PPM1L: variants seen among roughly 807,000 people sequenced by gnomAD.
PPM1L encodes the protein protein phosphatase, Mg2+/Mn2+ dependent 1L, also known as protein phosphatase 1L.
PPM1L carries 13 observed loss-of-function variants against 31.4 expected under a neutral mutation model. That is an observed-to-expected ratio of 0.41 (90% confidence interval 0.27 to 0.66). The LOEUF (loss-of-function observed/expected upper bound fraction) is 0.66, where lower values mean the gene tolerates loss of function less well. Ranked by LOEUF, PPM1L falls within the 30% of genes least tolerant of loss-of-function variation. The pLI is 0.29. For missense variants in PPM1L, 326 were observed against 453.7 expected, an observed-to-expected ratio of 0.72 and a Z score of 2.56; for synonymous variants, 184 against 175.4, an observed-to-expected ratio of 1.05 and a Z score of -0.39.
intron 1 of PPM1L, among the ~76,000 whole-genome samples, chr3:160,798,869 C>T (rs962459469): frequency 6.6e-6 from 1 of 152,154 alleles, no homozygotes; most frequent in Non-Finnish European, 1.5e-5. Context: ...AAAGGATTCA[C>T]CATTCTAAAT....
chr3:160,935,775 C>T (rs141718584), intron 1 of PPM1L, among the ~76,000 whole-genome samples: 105 of 152,274 alleles, frequency 6.9e-4, no homozygotes, highest in African/African-American at 2.3e-3. Flanking sequence ...GTCATTAAGC[C>T]GTTGTACTAA....
At chr3:160,928,302 C>T (rs764859702) in intron 1 of PPM1L, among the ~76,000 whole-genome samples, 2 of 152,170 alleles carry the variant, frequency 1.3e-5, no homozygotes, top group Non-Finnish European at 2.9e-5. Flanking sequence ...TCACTTCTAG[C>T]AACAGACTGC....
intron 1 of PPM1L, among the ~76,000 whole-genome samples, chr3:160,886,696 C>T (rs1439271048): frequency 3.3e-5 from 5 of 152,084 alleles, no homozygotes; most frequent in Non-Finnish European, 7.4e-5. Context: ...CCACAAAAAC[C>T]CCATTCAAGG....
chr3:160,774,911 G>A (rs78063940), intron 1 of PPM1L, among the ~76,000 whole-genome samples: 2,536 of 152,196 alleles, frequency 0.017, 68 homozygotes, highest in African/African-American at 0.058. Flanking sequence ...CATCTCTATT[G>A]TGTTCCAGTG....
chr3:160,802,293 C>T (rs1390031047), intron 1 of PPM1L, among the ~76,000 whole-genome samples: 1 of 152,074 alleles, frequency 6.6e-6, no homozygotes, highest in Non-Finnish European at 1.5e-5. Context: ...GTGACAGTAC[C>T]TGGTCATGTA....
chr3:160,864,223 C>G (rs754031058), intron 1 of PPM1L, among the ~76,000 whole-genome samples: 3 of 152,152 alleles, frequency 2.0e-5, no homozygotes, highest in Non-Finnish European at 4.4e-5. Context: ...CACTCTGTCA[C>G]CCAGGTTGGA....
chr3:160,919,270 C>T (rs1309513421), intron 1 of PPM1L, among the ~76,000 whole-genome samples: 1 of 152,170 alleles, frequency 6.6e-6, no homozygotes, highest in Admixed American at 6.5e-5. Flanking sequence ...CTGCCTTTTC[C>T]TCTCCATCTG....
chr3:161,075,134 A>G lies in PPM1L; in HGVS notation c.*5977A>G, dbSNP rs112484216. The G allele has an allele frequency of 6.6e-6, 1 of 152,328 alleles. No homozygotes were observed. The highest frequency in any genetic ancestry group is 2.4e-5 in the African/African-American group (1 of 41,576). 9.4% of individuals were successfully genotyped at this position (152,328 alleles called of 1,614,324 possible). ...CAGGAGAGGGATTGTATCAGCTCTC[A>G]TTACCTTTTGTCATGAGGCAGTTCA... On this transcript the variant is annotated 3_prime_UTR_variant, in exon 4 of 4. Coordinates refer to ENST00000498165, the MANE Select transcript of PPM1L (RefSeq NM_139245.4).
intron 1 of PPM1L, among the ~76,000 whole-genome samples, chr3:160,857,488 A>C (rs1711752922): frequency 6.6e-6 from 1 of 152,172 alleles, no homozygotes; most frequent in African/African-American, 2.4e-5. Flanking sequence ...ATGTAATGCA[A>C]AAACAGTCCT....
intron 1 of PPM1L, among the ~76,000 whole-genome samples, chr3:160,922,568 G>A (rs553391169): frequency 6.6e-6 from 1 of 152,174 alleles, no homozygotes; most frequent in South Asian, 2.1e-4. Flanking sequence ...CTAAGTCTAA[G>A]GTCTTTTGAA....
At chr3:161,064,293 G>A (rs747786236) in intron 2 of PPM1L, among the ~76,000 whole-genome samples, 23 of 150,948 alleles carry the variant, frequency 1.5e-4, no homozygotes, top group Non-Finnish European at 1.5e-5. Context: ...CTTGAGCCGA[G>A]GAATTTGAGG....
intron 1 of PPM1L, among the ~76,000 whole-genome samples, chr3:160,845,634 A>C (rs2108108631): frequency 6.6e-6 from 1 of 152,156 alleles, no homozygotes. Flanking sequence ...GTTTTTGCTG[A>C]TACATTTAAG....
At chr3:160,816,999 G>A (rs1259994197) in intron 1 of PPM1L, among the ~76,000 whole-genome samples, 1 of 151,994 alleles carries the variant, frequency 6.6e-6, no homozygotes, top group Admixed American at 6.6e-5. Flanking sequence ...GGTAACATTG[G>A]CATAAAGAAG....
intron 1 of PPM1L, among the ~76,000 whole-genome samples, chr3:160,872,348 T>G (rs1191729114): frequency 1.3e-5 from 2 of 152,170 alleles, no homozygotes; most frequent in African/African-American, 4.8e-5. Context: ...TTTTGCTACT[T>G]TTTTCTCCCT....
At chr3:160,848,617 C>T (rs1714156451) in intron 1 of PPM1L, among the ~76,000 whole-genome samples, 1 of 152,202 alleles carries the variant, frequency 6.6e-6, no homozygotes. Context: ...GCATCTCCCT[C>T]TGTAGTCTCC....
chr3:160,774,602 T>A (rs1711516877), intron 1 of PPM1L, among the ~76,000 whole-genome samples: 1 of 152,250 alleles, frequency 6.6e-6, no homozygotes, highest in Non-Finnish European at 1.5e-5. Context: ...TTACCTTCTG[T>A]TGTTTGCCTA....
intron 1 of PPM1L, among the ~76,000 whole-genome samples, chr3:160,959,944 G>A (rs9857743): frequency 0.47 from 70,990 of 151,900 alleles, 17,868 homozygotes; most frequent in East Asian, 0.73. Context: ...TATATGTGTT[G>A]CTTAATTATG....
chr3:160,876,382 G>C (rs1193893970), intron 1 of PPM1L, among the ~76,000 whole-genome samples: 3 of 152,186 alleles, frequency 2.0e-5, no homozygotes, highest in Admixed American at 1.3e-4. Context: ...TGCTGCTGTA[G>C]AGTTGAAGAA....
intron 2 of PPM1L, chr3:161,022,267 T>C (rs1718255505): frequency 1.7e-6 from 1 of 597,250 alleles, no homozygotes; most frequent in Non-Finnish European, 3.0e-6. Context: ...TGCTTTAATA[T>C]ACCACTATTC....
Sources: allele counts gnomAD v4.1 joint callset (sites outside exome capture counted in the v4.1 genomes callset), GRCh38; gene constraint gnomAD v4.1.1; transcripts MANE v1.5; gene names NCBI Gene and HGNC (gene_info 2026-07-23, HGNC 2026-07-21).